The following ADGRE5 variants were observed in gnomAD, a reference collection of about 807,000 sequenced individuals.
The protein encoded by ADGRE5 is adhesion G protein-coupled receptor E5, also known as CD97 molecule.
A neutral mutation model predicts 100.3 loss-of-function variants in ADGRE5; 72 were observed. That is an observed-to-expected ratio of 0.72 (90% CI 0.59 to 0.87). ADGRE5 has a LOEUF of 0.87. Ranked by LOEUF, ADGRE5 falls within the 40% of genes least tolerant of loss-of-function variation. ADGRE5 has a pLI of 0.00. For synonymous variants in ADGRE5, 439 were observed against 447.8 expected (o/e 0.98, Z 0.25); for missense variants, 959 against 1,094.7 (o/e 0.88, Z 1.75).
rs765198212 is a variant in ADGRE5 at position 14,405,733 on chromosome 19, C to T, written c.1630-15C>T. 2 of 1,598,894 alleles carry T rather than the reference C, an allele frequency of 1.3e-6. No homozygotes were observed. Among genetic ancestry groups the T allele is most frequent in the Non-Finnish European group, 1.7e-6 (2 of 1,170,098 alleles). On this transcript the variant is annotated splice_polypyrimidine_tract_variant and intron_variant, in intron 13 of 19. Coordinates refer to ENST00000242786, the MANE Select transcript of ADGRE5 (RefSeq NM_078481.4). The stretch of plus-strand genomic sequence containing the variant: ...ATGCCCTGAAGGAACCCTGAGCACC[C>T]GGTGCCACTCCTAGGACTGGAAGCT...
Position 14,408,535 on chromosome 19 carries a change from A to G in ADGRE5, c.*414A>G. The stretch of plus-strand genomic sequence containing the variant: ...GGCTCAGCTTCCCTCTTAAGCTAAG[A>G]CTGATGTCAGAGGCCCCATGGCGAG... On this transcript the variant is annotated 3_prime_UTR_variant, in exon 20 of 20. Coordinates refer to ENST00000242786, the MANE Select transcript of ADGRE5 (RefSeq NM_078481.4). The G allele has an allele frequency of 2.3e-6, 1 of 437,506 alleles. No homozygotes were observed. The highest frequency in any genetic ancestry group is 1.9e-5 in the African/African-American group (1 of 51,456). The allele number at this position is 437,506 out of a possible 1,614,324, so 27.1% of individuals were successfully genotyped here. A position where few individuals can be genotyped will look rare whatever the true frequency, so the allele number is the denominator to read the frequency against.
chr19:14,405,668 T>TG (rs955477111), intron 13 of ADGRE5, 80 bp from the exon 14 acceptor site: 43 of 1,040,470 alleles, frequency 4.1e-5, no homozygotes, highest in Non-Finnish European at 3.9e-5. Context: ...CGTCAAAGTG[T>TG]GGGGGGGAAA....
chr19:14,385,010 C>CTTTTTTTTTT (rs56960989), intron 1 of ADGRE5, among the ~76,000 whole-genome samples: 2 of 68,686 alleles, frequency 2.9e-5, no homozygotes, highest in African/African-American at 6.7e-5. Context: ...GACTCTTGCT[C>CTTTTTTTTTT]TTTTTTTTTT....
chr19:14,402,037 G>A lies in ADGRE5; in HGVS notation c.1183+277G>A, dbSNP rs78702495. Among the ~76,000 whole-genome samples the A allele has an allele frequency of 7.1e-4, 108 of 152,010 alleles. 1 individual carries two copies. Among genetic ancestry groups the A allele is most frequent in the African/African-American group, 2.3e-3 (94 of 41,438 alleles). On this transcript the variant is annotated intron_variant, in intron 11 of 19. Transcript: ENST00000242786. ...TCCCAGTTACTCAGGAGGCTGAAGC[G>A]AGAGGATCAATTGAGCCCGGGAGGT...
chr19:14,398,166 A>C (rs1401082579), intron 9 of ADGRE5, 27 bp downstream of exon 9: 1 of 1,609,524 alleles, frequency 6.2e-7, no homozygotes, highest in Non-Finnish European at 8.5e-7. Context: ...GGGGGACCCC[A>C]GGACAGTGTA....
intron 3 of ADGRE5, among the ~76,000 whole-genome samples, chr19:14,390,153 G>T: frequency 6.7e-6 from 1 of 150,238 alleles, no homozygotes; most frequent in Non-Finnish European, 1.5e-5. Context: ...GAAGGAGGGA[G>T]GAAGGAAGGA....
At position 14,397,243 on chromosome 19, in the gene ADGRE5, C is replaced by T. The variant is rs781364735; in HGVS notation, c.625+20C>T. The T allele has an allele frequency of 8.7e-6, 14 of 1,613,818 alleles. No homozygotes were observed. Among genetic ancestry groups the T allele is most frequent in the African/African-American group, 4.0e-5 (3 of 74,916 alleles). ...GTGAAGGTCGAGAGCTCAGATCCCA[C>T]GTTTCTAGCGACCCACAAACATCTG... On this transcript the variant is annotated intron_variant, in intron 6 of 19. Transcript: ENST00000242786.
intron 1 of ADGRE5, among the ~76,000 whole-genome samples, chr19:14,384,784 A>G: frequency 6.7e-6 from 1 of 148,312 alleles, no homozygotes; most frequent in Non-Finnish European, 1.5e-5. Flanking sequence ...ACCTCTCTCT[A>G]TCACCATGTA....
chr19:14,402,506 T>C (rs1976054492), intron 11 of ADGRE5, 91 bp from the exon 12 acceptor site: 1 of 1,342,342 alleles, frequency 7.4e-7, no homozygotes, highest in Middle Eastern at 2.5e-4. Flanking sequence ...CGTGGTGGAC[T>C]GGCTGAGCCT....
At chr19:14,395,198 G>A (rs989225520) in intron 4 of ADGRE5, among the ~76,000 whole-genome samples, 1 of 152,080 alleles carries the variant, frequency 6.6e-6, no homozygotes, top group Non-Finnish European at 1.5e-5. Context: ...CTACTCAGGA[G>A]GCTGAGGCAG....
intron 4 of ADGRE5, among the ~76,000 whole-genome samples, chr19:14,394,754 G>A (rs1020782095): frequency 6.6e-6 from 1 of 152,044 alleles, no homozygotes; most frequent in Non-Finnish European, 1.5e-5. Flanking sequence ...CTACCATAAT[G>A]AACCCCAAAA....
chr19:14,405,691 G>A, intron 13 of ADGRE5, 57 bp from the exon 14 acceptor site: 2 of 1,301,450 alleles, frequency 1.5e-6, no homozygotes, highest in East Asian at 2.4e-5. Flanking sequence ...GGACCACAAA[G>A]AGGGCAGGAA....
Position 14,401,495 on chromosome 19 carries a change from A to C in ADGRE5, c.1007A>C (p.Asp336Ala). 6.2e-7 allele frequency: 1 copy of C among 1,614,150 alleles called. No homozygotes were observed. Among genetic ancestry groups the C allele is most frequent in the Non-Finnish European group, 8.5e-7 (1 of 1,180,016 alleles). Residue 336 changes from aspartate to alanine, a missense_variant, in exon 10 of 20, where the codon GAT becomes GCT. Asp to Ala is a moderately radical substitution (Grantham distance 126). Transcript: ENST00000242786. The surrounding 1 kb of genome is among the most constrained non-coding windows in gnomAD (Gnocchi z 4.1). ...ACCCAGCTGCTCTCAAACCTTGAAG[A>C]TATCATGAGGATCCTGGCCAAGAGC... The part of the protein sequence containing the change: ...IATQLLSNLE[D>A]IMRILAKSLP...
At chr19:14,382,402 G>A (rs929588095) in intron 1 of ADGRE5, among the ~76,000 whole-genome samples, 40 of 152,124 alleles carry the variant, frequency 2.6e-4, no homozygotes, top group African/African-American at 9.4e-4. Context: ...AGGGTTCCAC[G>A]CCCTGGCTGT....
rs1599604790 is a variant in ADGRE5 at position 14,381,520 on chromosome 19, A to C, written c.-4A>C. 4.4e-6 allele frequency: 7 copies of C among 1,607,376 alleles called. No individual in the cohort carries two copies. The highest frequency in any genetic ancestry group is 5.9e-6 in the Non-Finnish European group (7 of 1,177,428). ...CCCTGCCGCTCCTGCCGGCAGCTCC[A>C]ACCATGGGAGGCCGCGTCTTTCTCG... On this transcript the variant is annotated 5_prime_UTR_variant, in exon 1 of 20. Transcript: ENST00000242786.
At chr19:14,383,943 C>T (rs1310820591) in intron 1 of ADGRE5, among the ~76,000 whole-genome samples, 1 of 152,120 alleles carries the variant, frequency 6.6e-6, no homozygotes, top group African/African-American at 2.4e-5. Context: ...CTCCAAGCCT[C>T]AGTTTCTCTA....
At chr19:14,387,510 CG>C (rs931525824) in intron 1 of ADGRE5, among the ~76,000 whole-genome samples, 36 of 152,008 alleles carry the variant, frequency 2.4e-4, no homozygotes, top group African/African-American at 8.2e-4. Context: ...GGGTGGATCA[CG>C]AGGTCAGGAG....
Position 14,406,639 on chromosome 19 carries a change from C to A in ADGRE5, c.2049-61C>A. ...GGCAGTGCCACACACAATGTCCGGC[C>A]GCCCTCCGTTCCGCTCCTGGCTTCC... is the stretch of plus-strand genomic sequence containing the variant. On this transcript the variant is annotated intron_variant, in intron 15 of 19. Transcript: ENST00000242786. The surrounding 1 kb of genome is among the most constrained non-coding windows in gnomAD (Gnocchi z 6.0). 1 of 1,603,028 alleles carries A rather than the reference C, an allele frequency of 6.2e-7. No homozygotes were observed.
chr19:14,402,016 A>T (rs12974314), intron 11 of ADGRE5, among the ~76,000 whole-genome samples: 7 of 152,000 alleles, frequency 4.6e-5, no homozygotes, highest in South Asian at 2.1e-4. Flanking sequence ...CTGTAGTCCC[A>T]GTTACTCAGG....
Sources: gnomAD v4.1 joint callset for allele counts (sites outside exome capture counted in the v4.1 genomes callset) on GRCh38, gnomAD v4.1.1 for gene constraint, Gnocchi (gnomAD v3.1) non-coding constraint, MANE v1.5 for transcripts, NCBI Gene and HGNC (gene_info 2026-07-23, HGNC 2026-07-21) for gene names.